Variants in MARCHF2 observed in about 807,000 individuals in gnomAD.
MARCHF2 encodes E3 ubiquitin-protein ligase MARCHF2.
Under a neutral mutation model 24.0 loss-of-function variants are expected in MARCHF2, and 22 were observed. That is an observed-to-expected ratio of 0.92 (90% CI 0.66 to 1.31). The LOEUF is 1.31. Ranked by LOEUF, MARCHF2 falls within the 50% of genes most tolerant of loss-of-function variation. The pLI is 0.00. For synonymous variants in MARCHF2, 154 were observed against 153.0 expected (o/e 1.01, Z -0.05); for missense variants, 301 against 335.3 (o/e 0.90, Z 0.80).
chr19:8,430,312 G>A lies in MARCHF2; in HGVS notation c.373-346G>A, dbSNP rs937830482. Reference sequence around the variant, plus strand: ...TGGGATGTTGAGGTTGCAGTGAGCCGAGATCGTGCCACGGCACTCCAGCCT... The same window carrying A: ...TGGGATGTTGAGGTTGCAGTGAGCCAAGATCGTGCCACGGCACTCCAGCCT... On this transcript the variant is annotated intron_variant, in intron 3 of 4. Coordinates refer to ENST00000215555, the MANE Select transcript of MARCHF2 (RefSeq NM_001005415.2). The surrounding 1 kb of genome is among the most constrained non-coding windows in gnomAD (Gnocchi z 4.4). Among the ~76,000 whole-genome samples the A allele has an allele frequency of 8.5e-5, 13 of 152,062 alleles. No individual in the cohort carries two copies. The highest frequency in any genetic ancestry group is 1.5e-4 in the Non-Finnish European group (10 of 67,996).
intron 2 of MARCHF2, 44 bp from the exon 3 acceptor site, chr19:8,426,565 C>A (rs758791707): frequency 1.3e-6 from 2 of 1,553,434 alleles, no homozygotes; most frequent in South Asian, 2.3e-5. Context: ...CAGGTATAGA[C>A]AGAAAGCCCA....
At chr19:8,419,815 C>CAAAA (rs372543513) in intron 1 of MARCHF2, among the ~76,000 whole-genome samples, 14 of 117,502 alleles carry the variant, frequency 1.2e-4, no homozygotes, top group Middle Eastern at 4.6e-3. Context: ...GACTCCGTCT[C>CAAAA]AAAAAAAAAA....
Position 8,414,679 on chromosome 19 carries a change from CCT to C in MARCHF2, c.-53+1262_-53+1263del, listed in dbSNP as rs149708266. 9.5e-3 allele frequency among the ~76,000 whole-genome samples: 1,439 copies of C among 152,246 alleles called. 23 individuals are homozygous for C. The highest frequency in any genetic ancestry group is 0.034 in the African/African-American group (1,400 of 41,540). On this transcript the variant is annotated intron_variant, in intron 1 of 4. Coordinates refer to ENST00000215555, the MANE Select transcript of MARCHF2 (RefSeq NM_001005415.2). The stretch of plus-strand genomic sequence containing the variant: ...TTTTAGGGCCCTCTGATTCCTCTGC[CCT>C]CTGTTTCCTACCTTCAGGAAAAGGA...
At chr19:8,421,657 A>C (rs1967246543) in intron 1 of MARCHF2, 132 bp from the exon 2 acceptor site, 1 of 516,942 alleles carries the variant, frequency 1.9e-6, no homozygotes, top group Admixed American at 3.8e-5. Flanking sequence ...CCCATTTTAC[A>C]GATGGTGCAA....
intron 1 of MARCHF2, among the ~76,000 whole-genome samples, chr19:8,420,160 A>T (rs865868515): frequency 1.5e-5 from 2 of 130,574 alleles, no homozygotes; most frequent in Admixed American, 8.0e-5. Context: ...TCCGTCTCAA[A>T]AAATAAATAA....
intron 1 of MARCHF2, among the ~76,000 whole-genome samples, chr19:8,415,491 G>A (rs936939040): frequency 6.6e-6 from 1 of 151,412 alleles, no homozygotes; most frequent in African/African-American, 2.4e-5. Context: ...AGCCAAGGCG[G>A]GTGGATCACC....
intron 4 of MARCHF2, among the ~76,000 whole-genome samples, chr19:8,431,497 C>CAAAAAAAA (rs60782968): frequency 1.7e-5 from 1 of 57,444 alleles, no homozygotes; most frequent in Non-Finnish European, 3.0e-5. Context: ...AACTCGATCT[C>CAAAAAAAA]AAAAAAAAAA....
chr19:8,428,675 A>C (rs1335850887), intron 3 of MARCHF2, among the ~76,000 whole-genome samples: 2 of 148,048 alleles, frequency 1.4e-5, no homozygotes, highest in African/African-American at 2.5e-5. Context: ...AAAAAAAAAA[A>C]AAAAAAAACC....
chr19:8,416,319 C>T (rs1346860988), intron 1 of MARCHF2, among the ~76,000 whole-genome samples: 2 of 132,960 alleles, frequency 1.5e-5, no homozygotes, highest in Non-Finnish European at 3.1e-5. Context: ...CCAGCCTGGG[C>T]GACAGAGCGA....
intron 4 of MARCHF2, among the ~76,000 whole-genome samples, chr19:8,435,131 G>C (rs1020545696): frequency 6.8e-6 from 1 of 147,952 alleles, no homozygotes; most frequent in Non-Finnish European, 1.5e-5. Context: ...CAATTATCCT[G>C]CCTCAGCCTC....
intron 2 of MARCHF2, among the ~76,000 whole-genome samples, chr19:8,422,518 G>A (rs946751410): frequency 2.6e-5 from 4 of 151,492 alleles, no homozygotes; most frequent in African/African-American, 9.7e-5. Flanking sequence ...TTAGCCACCC[G>A]AGTAGCTGGG....
rs1242024676 is a variant in MARCHF2 at position 8,421,980 on chromosome 19, T to G, written c.140T>G (p.Leu47Arg). ...CAGGTGACTTCAAGGGATGGCCGGC[T>G]CCTCTCCACCGTCATCCGTGCCTTG... The part of the protein sequence containing the change: ...VAQVTSRDGR[L>R]LSTVIRALDT... Residue 47 changes from leucine to arginine, a missense_variant, in exon 2 of 5, where the codon CTC (leucine) becomes CGC (arginine). Coordinates refer to ENST00000215555, the MANE Select transcript of MARCHF2 (RefSeq NM_001005415.2). The G allele has an allele frequency of 3.1e-6, 5 of 1,613,284 alleles. No individual in the cohort carries two copies. Among genetic ancestry groups the G allele is most frequent in the Non-Finnish European group, 4.2e-6 (5 of 1,179,746 alleles).
chr19:8,429,649 T>G (rs897270727), intron 3 of MARCHF2, among the ~76,000 whole-genome samples: 1 of 151,390 alleles, frequency 6.6e-6, no homozygotes, highest in Non-Finnish European at 1.5e-5. Flanking sequence ...GGATTATAGG[T>G]GCGTGCTACC....
chr19:8,416,657 C>A (rs948839597), intron 1 of MARCHF2, among the ~76,000 whole-genome samples: 4 of 152,066 alleles, frequency 2.6e-5, no homozygotes, highest in Non-Finnish European at 5.9e-5. Context: ...GCAGCCTCAA[C>A]CTGGGTGCAA....
At chr19:8,416,748 G>A (rs997036927) in intron 1 of MARCHF2, among the ~76,000 whole-genome samples, 36 of 151,998 alleles carry the variant, frequency 2.4e-4, no homozygotes, top group African/African-American at 8.5e-4. Flanking sequence ...TGTATTTTTT[G>A]TAGAGACGGG....
chr19:8,415,351 C>G (rs548219517), intron 1 of MARCHF2, among the ~76,000 whole-genome samples: 1 of 150,730 alleles, frequency 6.6e-6, no homozygotes, highest in African/African-American at 2.4e-5. Context: ...GATTACTACA[C>G]TGCCCTCCAG....
intron 4 of MARCHF2, among the ~76,000 whole-genome samples, chr19:8,433,842 T>C (rs1004825303): frequency 1.4e-5 from 2 of 148,142 alleles, no homozygotes; most frequent in African/African-American, 5.0e-5. Flanking sequence ...CCAGCCTGGG[T>C]GCCTGAGTGA....
At chr19:8,418,072 G>A (rs576337273) in intron 1 of MARCHF2, among the ~76,000 whole-genome samples, 7 of 151,794 alleles carry the variant, frequency 4.6e-5, no homozygotes, top group Non-Finnish European at 8.8e-5. Flanking sequence ...CCAAGACCCT[G>A]TCTTAAAAAA....
intron 2 of MARCHF2, chr19:8,423,444 G>T (rs542424732): frequency 6.6e-6 from 1 of 151,854 alleles, no homozygotes; most frequent in East Asian, 1.9e-4. Flanking sequence ...CAAGATTCTC[G>T]TCACTTCTGT....
Sources: allele counts gnomAD v4.1 joint callset (sites outside exome capture counted in the v4.1 genomes callset), GRCh38; gene constraint gnomAD v4.1.1; non-coding constraint Gnocchi (gnomAD v3.1); transcripts MANE v1.5; gene names NCBI Gene and HGNC (gene_info 2026-07-23, HGNC 2026-07-21).